Variants in TANC2 observed in about 807,000 individuals in gnomAD.
The protein encoded by TANC2 is protein TANC2.
A neutral mutation model predicts 210.5 loss-of-function variants in TANC2; 26 were observed. That is an observed-to-expected ratio of 0.12 (90% confidence interval 0.09 to 0.17). The LOEUF is 0.17. TANC2 is among the 10% of genes least tolerant of loss of function. TANC2 has a pLI of 1.00. For missense variants in TANC2, 2,129 were observed against 2,608.9 expected (o/e 0.82, Z 4.01); for synonymous variants, 931 against 967.1 (o/e 0.96, Z 0.69).
chr17:63,206,402 G>C (rs776144695), intron 7 of TANC2, among the ~76,000 whole-genome samples: 2 of 152,172 alleles, frequency 1.3e-5, no homozygotes, highest in African/African-American at 2.4e-5. Context: ...CTTGTATGCT[G>C]ATGTTCATAG....
At chr17:63,142,971 G>C (rs2039339721) in intron 4 of TANC2, among the ~76,000 whole-genome samples, 1 of 151,992 alleles carries the variant, frequency 6.6e-6, no homozygotes, top group Admixed American at 6.6e-5. Context: ...TTCTTCTTCT[G>C]TCTTACCCCC....
intron 2 of TANC2, among the ~76,000 whole-genome samples, chr17:63,063,490 C>T (rs1186114487): frequency 6.7e-6 from 1 of 150,244 alleles, no homozygotes; most frequent in Non-Finnish European, 1.5e-5. Flanking sequence ...CCAGGAAATT[C>T]CAAAAGATTA....
chr17:62,970,551 A>G (rs73339640), intron 1 of TANC2, among the ~76,000 whole-genome samples: 5,282 of 151,964 alleles, frequency 0.035, 308 homozygotes, highest in African/African-American at 0.12. Flanking sequence ...ATTATTTTGA[A>G]TGGAGAGGGA....
At chr17:63,285,592 G>T (rs1040779216) in intron 9 of TANC2, among the ~76,000 whole-genome samples, 1 of 152,124 alleles carries the variant, frequency 6.6e-6, no homozygotes, top group Non-Finnish European at 1.5e-5. Flanking sequence ...GGATACAAAG[G>T]AAAATCAGCA....
At chr17:63,374,328 A>T (rs922459401) in intron 14 of TANC2, among the ~76,000 whole-genome samples, 1 of 152,108 alleles carries the variant, frequency 6.6e-6, no homozygotes, top group Non-Finnish European at 1.5e-5. Flanking sequence ...GTGAGCCATC[A>T]TGCCTGGGTA....
intron 26 of TANC2, among the ~76,000 whole-genome samples, chr17:63,417,241 T>A (rs563053510): frequency 6.6e-6 from 1 of 152,216 alleles, no homozygotes; most frequent in African/African-American, 2.4e-5. Flanking sequence ...TTTTTTTACC[T>A]ATGCCCCAGG....
chr17:63,122,975 T>C (rs1230541069), intron 4 of TANC2, among the ~76,000 whole-genome samples: 4 of 152,124 alleles, frequency 2.6e-5, no homozygotes, highest in African/African-American at 7.2e-5. Flanking sequence ...AGAGGTTTCA[T>C]GAAGGATGCT....
At chr17:63,195,525 T>C (rs1269959737) in intron 6 of TANC2, among the ~76,000 whole-genome samples, 1 of 152,210 alleles carries the variant, frequency 6.6e-6, no homozygotes, top group African/African-American at 2.4e-5. Flanking sequence ...CTGTCATCTT[T>C]TGCCTGTGCT....
At position 63,365,971 on chromosome 17, in the gene TANC2, G is replaced by A. The variant is rs116884786; in HGVS notation, c.2582+10581G>A. Among the ~76,000 whole-genome samples, 206 of 152,102 alleles carry A rather than the reference G, an allele frequency of 1.4e-3. 3 individuals are homozygous for A. The East Asian group carries it at 0.036, about 27-fold the overall frequency. Reference sequence around the variant, plus strand: ...CCACTTTTCTGTCTAAAATGAGCTCGATGAGGACAAGAACCTTCTCTGTAT... The same window carrying A: ...CCACTTTTCTGTCTAAAATGAGCTCAATGAGGACAAGAACCTTCTCTGTAT... On this transcript the variant is annotated intron_variant, in intron 14 of 27. Transcript: ENST00000689528.
At chr17:63,228,868 A>G (rs1169735576) in intron 7 of TANC2, among the ~76,000 whole-genome samples, 1 of 152,116 alleles carries the variant, frequency 6.6e-6, no homozygotes, top group African/African-American at 2.4e-5. Context: ...GGATCATGTC[A>G]TTTGCACACA....
intron 8 of TANC2, among the ~76,000 whole-genome samples, chr17:63,250,389 A>G (rs2043025483): frequency 6.6e-6 from 1 of 152,004 alleles, no homozygotes; most frequent in Admixed American, 6.6e-5. Flanking sequence ...CTCCAACCTA[A>G]TATCTTCCCA....
intron 9 of TANC2, among the ~76,000 whole-genome samples, chr17:63,281,610 G>A (rs1167826868): frequency 6.6e-6 from 1 of 151,958 alleles, no homozygotes; most frequent in African/African-American, 2.4e-5. Context: ...GAATCCAGAG[G>A]TTCTAAAATG....
At chr17:63,384,316 C>T (rs1048591015) in intron 15 of TANC2, among the ~76,000 whole-genome samples, 1 of 152,084 alleles carries the variant, frequency 6.6e-6, no homozygotes, top group African/African-American at 2.4e-5. Context: ...AAGCCGTCCT[C>T]CCTCCTTGGC....
chr17:63,143,564 A>G (rs1430813509), intron 4 of TANC2, among the ~76,000 whole-genome samples: 2 of 152,330 alleles, frequency 1.3e-5, no homozygotes, highest in East Asian at 3.9e-4. Context: ...TATTTTAATC[A>G]GTAGAAAACT....
intron 2 of TANC2, among the ~76,000 whole-genome samples, chr17:63,012,841 A>G (rs1292965683): frequency 6.6e-6 from 1 of 151,884 alleles, no homozygotes; most frequent in Non-Finnish European, 1.5e-5. Context: ...TTTTGTAGAG[A>G]TGAGATCTCG....
intron 5 of TANC2, among the ~76,000 whole-genome samples, chr17:63,164,061 G>T (rs2040122225): frequency 6.6e-6 from 1 of 150,976 alleles, no homozygotes; most frequent in South Asian, 2.1e-4. Context: ...ATTCCTTTCT[G>T]TGTTGATCAA....
intron 4 of TANC2, chr17:63,148,274 G>A (rs2039530121): frequency 6.6e-6 from 1 of 152,138 alleles, no homozygotes. Context: ...TGTAGCCGTA[G>A]CCCTCACTAG....
chr17:63,266,937 C>T (rs1001096959), intron 8 of TANC2, among the ~76,000 whole-genome samples: 5 of 152,078 alleles, frequency 3.3e-5, no homozygotes, highest in African/African-American at 4.8e-5. Context: ...GCAGCCTTGA[C>T]CTCCCAGCCT....
At chr17:63,279,319 C>A (rs2043990641) in intron 9 of TANC2, among the ~76,000 whole-genome samples, 1 of 152,142 alleles carries the variant, frequency 6.6e-6, no homozygotes, top group African/African-American at 2.4e-5. Flanking sequence ...TACCAGGTTT[C>A]ATGCTAATAA....
Sources: gnomAD v4.1 joint callset for allele counts (sites outside exome capture counted in the v4.1 genomes callset) on GRCh38, gnomAD v4.1.1 for gene constraint, MANE v1.5 for transcripts, NCBI Gene and HGNC (gene_info 2026-07-23, HGNC 2026-07-21) for gene names.